DLGAP2: variants seen among roughly 807,000 people sequenced by gnomAD.
The protein encoded by DLGAP2 is disks large-associated protein 2.
A neutral mutation model predicts 100.3 loss-of-function variants in DLGAP2; 26 were observed. The observed-to-expected ratio is 0.26, with a 90% confidence interval of 0.19 to 0.36. DLGAP2 has a LOEUF of 0.36. DLGAP2 is among the 10% of genes least tolerant of loss of function. The pLI, the probability that DLGAP2 is intolerant of heterozygous loss-of-function variation, is 1.00. For missense variants in DLGAP2, 1,858 were observed against 1,453.2 expected (o/e 1.28, Z -4.53); for synonymous variants, 886 against 630.1 (o/e 1.41, Z -6.08).
At chr8:1,681,326 T>TC (rs1563059323) in intron 12 of DLGAP2, among the ~76,000 whole-genome samples, 1 of 146,918 alleles carries the variant, frequency 6.8e-6, no homozygotes, top group African/African-American at 2.6e-5. Context: ...TGAAAAGATA[T>TC]CTTTTAAAAA....
chr8:1,353,350 T>G (rs968394718), intron 3 of DLGAP2, among the ~76,000 whole-genome samples: 5 of 152,232 alleles, frequency 3.3e-5, no homozygotes, highest in African/African-American at 4.8e-5. Context: ...TAATGCACAT[T>G]CATTAGAAAC....
chr8:1,384,094 A>G (rs938107644), intron 3 of DLGAP2, among the ~76,000 whole-genome samples: 7 of 152,272 alleles, frequency 4.6e-5, no homozygotes, highest in East Asian at 1.9e-4. Context: ...TTAGGCATCA[A>G]TTAATAGAAG....
At chr8:1,084,684 A>C (rs1439339537) in intron 2 of DLGAP2, among the ~76,000 whole-genome samples, 1 of 152,184 alleles carries the variant, frequency 6.6e-6, no homozygotes, top group East Asian at 1.9e-4. Context: ...CATTCCATGC[A>C]TGTTTTCAGA....
intron 2 of DLGAP2, among the ~76,000 whole-genome samples, chr8:947,343 T>A (rs1799353431): frequency 6.6e-6 from 1 of 152,030 alleles, no homozygotes; most frequent in Non-Finnish European, 1.5e-5. Context: ...AGCAGAGGGG[T>A]CCTGTCAGCA....
At chr8:1,347,960 C>T (rs1316247420) in intron 3 of DLGAP2, among the ~76,000 whole-genome samples, 2 of 151,328 alleles carry the variant, frequency 1.3e-5, no homozygotes, top group African/African-American at 2.4e-5. Flanking sequence ...TACAGAGCTA[C>T]ATTGCACTCA....
chr8:765,348 G>C (rs1023649891), intron 1 of DLGAP2, among the ~76,000 whole-genome samples: 5 of 152,166 alleles, frequency 3.3e-5, no homozygotes, highest in African/African-American at 2.4e-5. Context: ...TGTGCAGGTA[G>C]TTTTTTAATA....
intron 3 of DLGAP2, among the ~76,000 whole-genome samples, chr8:1,431,726 C>G (rs530883035): frequency 6.6e-6 from 1 of 152,052 alleles, no homozygotes; most frequent in South Asian, 2.1e-4. Flanking sequence ...CTCTCCTGGG[C>G]TATTGGGCAG....
chr8:1,572,400 A>G (rs1584941992), intron 6 of DLGAP2, among the ~76,000 whole-genome samples: 5 of 72,916 alleles, frequency 6.9e-5, no homozygotes, highest in South Asian at 5.9e-4. Context: ...TGGAGAGGAG[A>G]GAGGGGTGAA....
At chr8:1,525,302 A>G (rs564260162) in intron 4 of DLGAP2, among the ~76,000 whole-genome samples, 15 of 150,214 alleles carry the variant, frequency 1.0e-4, no homozygotes, top group Non-Finnish European at 2.1e-4. Context: ...ACAAGTTACT[A>G]CCACTATGTA....
rs565186247 is a variant in DLGAP2 at position 965,767 on chromosome 8, C to T, written c.73+57801C>T. On this transcript the variant is annotated intron_variant, in intron 2 of 14. Coordinates refer to ENST00000637795, the MANE Select transcript of DLGAP2 (RefSeq NM_001346810.2). ...ACACGGCTCCTGAGTCTGACCCCTG[C>T]GCTGCACACGGCACTGTTCACCACA... Among the ~76,000 whole-genome samples the T allele has an allele frequency of 3.1e-4, 43 of 139,436 alleles. No homozygotes were observed. The South Asian group carries it at 5.5e-3, about 18-fold the overall frequency. 91.5% of individuals were successfully genotyped at this position (139,436 alleles called of 152,430 possible).
At chr8:1,302,830 C>T (rs184263390) in intron 3 of DLGAP2, among the ~76,000 whole-genome samples, 15 of 152,386 alleles carry the variant, frequency 9.8e-5, no homozygotes, top group South Asian at 8.3e-4. Context: ...CCACGCCTGA[C>T]GGCGCCGCTG....
At chr8:1,450,312 G>A (rs1395044142) in intron 3 of DLGAP2, among the ~76,000 whole-genome samples, 5 of 85,056 alleles carry the variant, frequency 5.9e-5, no homozygotes, top group Non-Finnish European at 1.0e-4. Flanking sequence ...GGCCTCGGTG[G>A]CTGAGGCGGA....
chr8:1,086,728 C>T (rs556518235), intron 2 of DLGAP2, among the ~76,000 whole-genome samples: 67 of 152,156 alleles, frequency 4.4e-4, no homozygotes, highest in Admixed American at 2.0e-4. Context: ...AATATATGTG[C>T]GCCCAACAAT....
chr8:1,108,650 G>A (rs1466261607), intron 2 of DLGAP2, among the ~76,000 whole-genome samples: 1 of 145,756 alleles, frequency 6.9e-6, no homozygotes, highest in Non-Finnish European at 1.5e-5. Flanking sequence ...TGCCTATGAA[G>A]TGTGCTGGGT....
rs1479397583 is a variant in DLGAP2, at chr8:1,581,248, ATG to A, written c.1442+15355_1442+15356del. 1.7e-3 allele frequency among the ~76,000 whole-genome samples: 260 copies of A among 150,096 alleles called. 3 individuals are homozygous for A. The highest frequency in any genetic ancestry group is 6.3e-3 in the African/African-American group (251 of 39,670). On this transcript the variant is annotated intron_variant, in intron 6 of 14. Coordinates refer to ENST00000637795, the MANE Select transcript of DLGAP2 (RefSeq NM_001346810.2). Reference sequence around the variant, plus strand: ...GATACAGACAAAACCCCGCACATATATGCACCACAGTCAAACTACCAGAAGAG... The same window carrying A: ...GATACAGACAAAACCCCGCACATATACACCACAGTCAAACTACCAGAAGAG...
chr8:1,358,248 T>C (rs1218408932), intron 3 of DLGAP2, among the ~76,000 whole-genome samples: 3 of 152,260 alleles, frequency 2.0e-5, no homozygotes, highest in Admixed American at 6.5e-5. Flanking sequence ...TGGAATGAGG[T>C]GAGAATCTAA....
rs533066470 is a variant in DLGAP2, at chr8:1,163,100, G to C, written c.74-95751G>C. On this transcript the variant is annotated intron_variant, in intron 2 of 14. Coordinates refer to ENST00000637795, the MANE Select transcript of DLGAP2 (RefSeq NM_001346810.2). ...GGTAAGAGGCCCGGGGCTGCGGCGT[G>C]TTGGGGTGATCGTGTGTCTTGTCCC... 1.8e-3 allele frequency among the ~76,000 whole-genome samples: 269 copies of C among 152,328 alleles called. 1 individual carries two copies. Among genetic ancestry groups the C allele is most frequent in the South Asian group, 0.017 (80 of 4,826 alleles).
chr8:1,635,697 G>T (rs1200954043), intron 8 of DLGAP2, among the ~76,000 whole-genome samples: 1 of 152,134 alleles, frequency 6.6e-6, no homozygotes, highest in Non-Finnish European at 1.5e-5. Flanking sequence ...AAAAGTTGAT[G>T]TTATTATTAG....
At chr8:1,456,210 G>A (rs771101180) in intron 3 of DLGAP2, among the ~76,000 whole-genome samples, 1 of 152,152 alleles carries the variant, frequency 6.6e-6, no homozygotes, top group South Asian at 2.1e-4. Context: ...CAAACAGGAC[G>A]CCCTAGTCTC....
Sources: allele counts gnomAD v4.1 joint callset (sites outside exome capture counted in the v4.1 genomes callset), GRCh38; gene constraint gnomAD v4.1.1; transcripts MANE v1.5; gene names NCBI Gene and HGNC (gene_info 2026-07-23, HGNC 2026-07-21).